MEGF11: variants seen among roughly 807,000 people sequenced by gnomAD.
MEGF11 encodes multiple EGF like domains 11.
In MEGF11, 126 loss-of-function variants were observed where a neutral mutation model predicts 146.6. The ratio of observed to expected loss-of-function variants is 0.86; its 90% CI spans 0.74 to 1.00. The LOEUF (loss-of-function observed/expected upper bound fraction) is 1.00, where lower values mean the gene tolerates loss of function less well. Among genes scored for constraint, MEGF11 ranks in the 50% least tolerant of loss-of-function variants. MEGF11 has a pLI of 0.00. For missense variants in MEGF11, 1,509 were observed against 1,521.2 expected (o/e 0.99, Z 0.13); for synonymous variants, 532 against 583.4 (o/e 0.91, Z 1.27).
intron 5 of MEGF11, among the ~76,000 whole-genome samples, chr15:66,046,086 G>T (rs1567216446): frequency 6.6e-6 from 1 of 152,190 alleles, no homozygotes; most frequent in South Asian, 2.1e-4. Context: ...CTGGGCAACA[G>T]AGTGAGACTC....
chr15:66,201,966 A>AG (rs2091171810), intron 1 of MEGF11, among the ~76,000 whole-genome samples: 1 of 148,736 alleles, frequency 6.7e-6, no homozygotes, highest in Non-Finnish European at 1.5e-5. Flanking sequence ...AAAAAAAAAA[A>AG]AAAAAAAAAC....
chr15:66,208,077 T>C (rs576380859), intron 1 of MEGF11, among the ~76,000 whole-genome samples: 7 of 147,664 alleles, frequency 4.7e-5, no homozygotes, highest in African/African-American at 1.5e-4. Context: ...AGAGTGAGAC[T>C]GTGCCTCAGA....
At chr15:66,162,489 A>G (rs2089979225) in intron 1 of MEGF11, among the ~76,000 whole-genome samples, 1 of 152,202 alleles carries the variant, frequency 6.6e-6, no homozygotes, top group African/African-American at 2.4e-5. Flanking sequence ...CCACAACAAA[A>G]ATGACGTTAT....
intron 10 of MEGF11, among the ~76,000 whole-genome samples, chr15:65,933,839 C>T (rs751877860): frequency 3.9e-5 from 6 of 152,174 alleles, no homozygotes; most frequent in Admixed American, 6.5e-5. Flanking sequence ...TCAGTTCCCA[C>T]ATCTGTTAAA....
chr15:66,065,053 T>C (rs958570204), intron 5 of MEGF11, among the ~76,000 whole-genome samples: 1 of 152,000 alleles, frequency 6.6e-6, no homozygotes, highest in African/African-American at 2.4e-5. Flanking sequence ...CTTGTGTCCA[T>C]AGAGACCCAG....
chr15:66,061,337 T>A, intron 5 of MEGF11, among the ~76,000 whole-genome samples: 1 of 152,120 alleles, frequency 6.6e-6, no homozygotes, highest in East Asian at 1.9e-4. Flanking sequence ...GCCAGGGCAG[T>A]TTTCCCACCT....
At chr15:66,250,232 C>T (rs2092351998) in intron 1 of MEGF11, among the ~76,000 whole-genome samples, 2 of 152,236 alleles carry the variant, frequency 1.3e-5, no homozygotes, top group Admixed American at 1.3e-4. Flanking sequence ...TGGGTTACCC[C>T]TGGCAACCAG....
At chr15:65,910,099 TG>T (rs778428713) in intron 21 of MEGF11, 9 of 561,264 alleles carry the variant, frequency 1.6e-5, no homozygotes, top group Admixed American at 6.6e-5. Flanking sequence ...GCAGATTAGC[TG>T]GGGGGTGGGG....
intron 9 of MEGF11, 36 bp downstream of exon 9, chr15:65,964,872 G>A (rs189861124): frequency 4.5e-5 from 67 of 1,498,578 alleles, no homozygotes; most frequent in South Asian, 1.4e-4. Context: ...AGCACCCCCC[G>A]CCCTTGTCCC....
At chr15:66,046,302 G>A (rs748812747) in intron 5 of MEGF11, among the ~76,000 whole-genome samples, 33 of 151,972 alleles carry the variant, frequency 2.2e-4, no homozygotes, top group Admixed American at 3.9e-4. Flanking sequence ...ATCCCAAATC[G>A]CCATCTGGAC....
At chr15:66,196,613 C>T (rs1302165748) in intron 1 of MEGF11, among the ~76,000 whole-genome samples, 1 of 152,166 alleles carries the variant, frequency 6.6e-6, no homozygotes, top group Non-Finnish European at 1.5e-5. Context: ...TATTTAGGTG[C>T]AGACAGGTTT....
In MEGF11 at chr15:66,170,982, C is replaced by T. The variant is rs556678768; in HGVS notation, c.-8-42571G>A. On this transcript the variant is annotated intron_variant, in intron 1 of 25. Transcript: ENST00000395614. ...AAAGGTGGACTTGATGGATGTGACG[C>T]CATGTCCTCGCTCAGCTCCTTCCTC... 2.4e-4 allele frequency among the ~76,000 whole-genome samples: 37 copies of T among 152,346 alleles called. No homozygotes were observed. In the South Asian group the frequency reaches 5.4e-3, roughly 22 times the overall value.
chr15:66,171,655 A>G (rs2090259617), intron 1 of MEGF11, among the ~76,000 whole-genome samples: 1 of 151,518 alleles, frequency 6.6e-6, no homozygotes, highest in Non-Finnish European at 1.5e-5. Context: ...GACTCCTCCC[A>G]CCTGTCTGCT....
At chr15:66,149,036 G>A (rs569047574) in intron 1 of MEGF11, among the ~76,000 whole-genome samples, 18 of 152,212 alleles carry the variant, frequency 1.2e-4, no homozygotes, top group Non-Finnish European at 2.1e-4. Context: ...CACCCAGGAC[G>A]GGATGGAGTC....
intron 5 of MEGF11, among the ~76,000 whole-genome samples, chr15:66,031,785 T>C (rs1295602153): frequency 6.6e-6 from 1 of 152,192 alleles, no homozygotes; most frequent in Non-Finnish European, 1.5e-5. Context: ...CTCCCAAAAG[T>C]TCGTGTGTTG....
intron 1 of MEGF11, among the ~76,000 whole-genome samples, chr15:66,187,898 C>T (rs2090754688): frequency 6.6e-6 from 1 of 152,164 alleles, no homozygotes; most frequent in Non-Finnish European, 1.5e-5. Context: ...GAAGAGAATG[C>T]CCTTGCTTTT....
intron 4 of MEGF11, among the ~76,000 whole-genome samples, chr15:66,117,793 T>A (rs955612908): frequency 1.3e-5 from 2 of 152,152 alleles, no homozygotes; most frequent in African/African-American, 2.4e-5. Context: ...CAAGGCCTCA[T>A]CCTAGCTCAG....
chr15:66,026,175 T>C (rs333579), intron 5 of MEGF11, among the ~76,000 whole-genome samples: 143,264 of 152,326 alleles, frequency 0.94, 67,806 homozygotes, highest in East Asian at 1. Flanking sequence ...AGAAGCTATC[T>C]AGAGACAAGG....
intron 1 of MEGF11, among the ~76,000 whole-genome samples, chr15:66,228,531 G>T (rs2091899057): frequency 6.6e-6 from 1 of 152,190 alleles, no homozygotes; most frequent in African/African-American, 2.4e-5. Flanking sequence ...ACCAGGCCAA[G>T]AGGCCTGCAG....
Sources: allele counts gnomAD v4.1 joint callset (sites outside exome capture counted in the v4.1 genomes callset), GRCh38; gene constraint gnomAD v4.1.1; transcripts MANE v1.5; gene names NCBI Gene and HGNC (gene_info 2026-07-23, HGNC 2026-07-21).